The following ZNF486 variants were observed in gnomAD, a reference collection of about 807,000 sequenced individuals.
ZNF486 encodes the protein KRAB box only protein 2.
Under a neutral mutation model 12.8 loss-of-function variants are expected in ZNF486, and 12 were observed. The observed-to-expected ratio is 0.94, with a 90% CI of 0.60 to 1.52. ZNF486 has a LOEUF of 1.52. ZNF486 is among the 40% of genes most tolerant of loss of function. The probability of loss-of-function intolerance (pLI) is 0.00; values close to 1 mark genes in which losing one functional copy is unlikely to be tolerated. For synonymous variants in ZNF486, 231 were observed against 184.9 expected, an observed-to-expected ratio of 1.25 and a Z score of -2.02; for missense variants, 738 against 545.0, an observed-to-expected ratio of 1.35 and a Z score of -3.53.
chr19:20,171,899 T>C (rs1555713924), intron 1 of ZNF486, among the ~76,000 whole-genome samples: 1 of 152,104 alleles, frequency 6.6e-6, no homozygotes, highest in African/African-American at 2.4e-5. Context: ...GGCCTCAGTG[T>C]CTGTTGTTCT....
intron 1 of ZNF486, among the ~76,000 whole-genome samples, chr19:20,179,435 A>G (rs112549390): frequency 0.078 from 11,821 of 152,182 alleles, 707 homozygotes; most frequent in African/African-American, 0.17. Flanking sequence ...TATAACCCTT[A>G]AGCTTGACCC....
In ZNF486 at chr19:20,184,338, T is replaced by C. The variant is rs782099216; in HGVS notation, c.31-18T>C. ...AACGGCGACTTGGTGAAAATGTGTGTGTGTGTGTGTTTTTCAGGAATCATT... is the reference window on the plus strand; with the variant it reads ...AACGGCGACTTGGTGAAAATGTGTGCGTGTGTGTGTTTTTCAGGAATCATT... On this transcript the variant is annotated intron_variant, in intron 1 of 3. Coordinates refer to ENST00000335117, the MANE Select transcript of ZNF486 (RefSeq NM_052852.4). The C allele has an allele frequency of 6.2e-7, 1 of 1,611,410 alleles. No homozygotes were observed. The highest frequency in any genetic ancestry group is 8.5e-7 in the Non-Finnish European group (1 of 1,178,402).
chr19:20,183,799 G>A (rs2089812432), intron 1 of ZNF486, among the ~76,000 whole-genome samples: 1 of 151,812 alleles, frequency 6.6e-6, no homozygotes, highest in Admixed American at 6.6e-5. Context: ...TCTTATCTTT[G>A]TTTACAGGCT....
At chr19:20,181,321 T>G (rs782312915) in intron 1 of ZNF486, among the ~76,000 whole-genome samples, 1 of 152,060 alleles carries the variant, frequency 6.6e-6, no homozygotes, top group Non-Finnish European at 1.5e-5. Context: ...GGGCAGATCA[T>G]GAGGTCAGGA....
In ZNF486 at chr19:20,179,904, C is replaced by T. The variant is rs546928707; in HGVS notation, c.31-4452C>T. 5.9e-5 allele frequency among the ~76,000 whole-genome samples: 9 copies of T among 152,264 alleles called. No individual in the cohort carries two copies. The East Asian group carries it at 1.5e-3, about 26-fold the overall frequency. On this transcript the variant is annotated intron_variant, in intron 1 of 3. Coordinates refer to ENST00000335117, the MANE Select transcript of ZNF486 (RefSeq NM_052852.4). Reference sequence around the variant, plus strand: ...GCCACAAAGTATCCAGAGCCTTGATCACAACTATAATTACCTGTAAAATGT... The same window carrying T: ...GCCACAAAGTATCCAGAGCCTTGATTACAACTATAATTACCTGTAAAATGT...
chr19:20,198,326 C>G lies in ZNF486; in HGVS notation c.*224C>G. The G allele has an allele frequency of 2.1e-6, 1 of 482,920 alleles. No individual in the cohort carries two copies. Among genetic ancestry groups the G allele is most frequent in the Non-Finnish European group, 3.7e-6 (1 of 272,148 alleles). The allele number at this position is 482,920 out of a possible 1,614,324, so 29.9% of individuals were successfully genotyped here. The stretch of plus-strand genomic sequence containing the variant: ...CCATGTTGGTCAGGCTGGTCTCAAT[C>G]TCCTAACCTCAGGTGGTCTGCCTGC... On this transcript the variant is annotated 3_prime_UTR_variant, in exon 4 of 4. Coordinates refer to ENST00000335117, the MANE Select transcript of ZNF486 (RefSeq NM_052852.4).
In ZNF486 at chr19:20,197,581, G is replaced by C. The variant is rs371690793; in HGVS notation, c.871G>C (p.Glu291Gln). 3 of 1,613,566 alleles carry C rather than the reference G, an allele frequency of 1.9e-6. No homozygotes were observed. The highest frequency in any genetic ancestry group is 2.5e-6 in the Non-Finnish European group (3 of 1,179,810). The change falls in exon 4 of 4, where the codon GAG becomes CAG. Residue 291 changes from glutamate to glutamine, a missense_variant. By Grantham distance (29) the Glu-to-Gln change is conservative. Transcript: ENST00000335117. The stretch of plus-strand genomic sequence containing the variant: ...TACACATAAGATAATCCATACTGGA[G>C]AGCAACCCTACAAATGTAAAGAATG... ...LTTHKIIHTG[E>Q]QPYKCKECDK...
chr19:20,167,403 G>T (rs2089595964), intron 1 of ZNF486, 43 bp downstream of exon 1: 1 of 1,604,958 alleles, frequency 6.2e-7, no homozygotes, highest in Non-Finnish European at 8.5e-7. Flanking sequence ...GGAGGGACTG[G>T]TTGATGGGAA....
intron 1 of ZNF486, among the ~76,000 whole-genome samples, chr19:20,181,797 A>T (rs1555715628): frequency 6.6e-6 from 1 of 152,208 alleles, no homozygotes; most frequent in Admixed American, 6.5e-5. Flanking sequence ...AAAAAAATTC[A>T]TGACAGAGAA....
At position 20,197,835 on chromosome 19, in the gene ZNF486, G is replaced by T. The variant is rs189646827; in HGVS notation, c.1125G>T (p.Glu375Asp). 2.8e-3 allele frequency: 4,463 copies of T among 1,613,732 alleles called. 48 individuals carry two copies. The highest frequency in any genetic ancestry group is 0.022 in the Middle Eastern group (135 of 6,060). The change falls in exon 4 of 4, where the codon GAG becomes GAT. Residue 375 changes from glutamate to aspartate, a missense_variant. Physicochemically the swap from Glu to Asp is conservative, Grantham distance 45. Coordinates refer to ENST00000335117, the MANE Select transcript of ZNF486 (RefSeq NM_052852.4). ...LTMHKIIHTG[E>D]KPYKCEECGK... ...TGCATAAGATAATTCATACTGGAGAGAAACCATACAAATGTGAAGAATGTG... is the reference window on the plus strand; with the variant it reads ...TGCATAAGATAATTCATACTGGAGATAAACCATACAAATGTGAAGAATGTG...
At chr19:20,180,209 T>C (rs918680312) in intron 1 of ZNF486, among the ~76,000 whole-genome samples, 7 of 152,200 alleles carry the variant, frequency 4.6e-5, no homozygotes, top group African/African-American at 1.7e-4. Flanking sequence ...GTAAGAGAAA[T>C]GAGTCATCCT....
intron 2 of ZNF486, among the ~76,000 whole-genome samples, chr19:20,185,404 G>GTTTTTTTTT (rs782413355): frequency 3.2e-4 from 22 of 69,604 alleles, no homozygotes; most frequent in African/African-American, 5.1e-4. Flanking sequence ...TATTGTTTAT[G>GTTTTTTTTT]TTTTTTTTTT....
At chr19:20,176,609 G>A (rs1232982924) in intron 1 of ZNF486, 6 of 166,642 alleles carry the variant, frequency 3.6e-5, no homozygotes, top group South Asian at 2.4e-4. Context: ...GATCACTCGC[G>A]GTTAGGAGCT....
chr19:20,197,009 TAA>T lies in ZNF486; in HGVS notation c.302_303del (p.Lys101ArgfsTer12). 6.2e-7 allele frequency: 1 copy of T among 1,601,724 alleles called. No individual in the cohort carries two copies. Among genetic ancestry groups the T allele is most frequent in the East Asian group, 2.2e-5 (1 of 44,816 alleles). ...CAAGACCTTTGGCCAGAGCAGAGCA[TAA>T]AAGATTCTTACCAAAAAGTGATACT... On this transcript the variant is annotated frameshift_variant, in exon 4 of 4. Coordinates refer to ENST00000335117, the MANE Select transcript of ZNF486 (RefSeq NM_052852.4). LOFTEE classifies it low-confidence loss of function (END_TRUNC).
intron 3 of ZNF486, among the ~76,000 whole-genome samples, chr19:20,195,360 G>C (rs2089948327): frequency 6.6e-6 from 1 of 152,098 alleles, no homozygotes; most frequent in Admixed American, 6.6e-5. Flanking sequence ...GTAGATACAG[G>C]GTTTCACCAT....
At chr19:20,171,372 C>T (rs1555713859) in intron 1 of ZNF486, among the ~76,000 whole-genome samples, 2 of 152,226 alleles carry the variant, frequency 1.3e-5, no homozygotes, top group Non-Finnish European at 2.9e-5. Flanking sequence ...CACCCACTCA[C>T]AAACACACAC....
At chr19:20,175,381 G>C (rs983252027) in intron 1 of ZNF486, 1 of 139,580 alleles carries the variant, frequency 7.2e-6, no homozygotes, top group African/African-American at 2.7e-5. Flanking sequence ...TCTCGCAGAG[G>C]GGGATTTGGC....
At chr19:20,181,347 G>A (rs903177825) in intron 1 of ZNF486, among the ~76,000 whole-genome samples, 6 of 152,084 alleles carry the variant, frequency 3.9e-5, no homozygotes, top group Admixed American at 6.5e-5. Context: ...AGACCATCCT[G>A]GCTAACACGG....
At chr19:20,179,523 C>A (rs1156685317) in intron 1 of ZNF486, among the ~76,000 whole-genome samples, 1 of 152,026 alleles carries the variant, frequency 6.6e-6, no homozygotes, top group Non-Finnish European at 1.5e-5. Context: ...TGTGTTAGAG[C>A]AGCCTCTATG....
Sources: allele counts gnomAD v4.1 joint callset (sites outside exome capture counted in the v4.1 genomes callset), GRCh38; gene constraint gnomAD v4.1.1; transcripts MANE v1.5; gene names NCBI Gene and HGNC (gene_info 2026-07-23, HGNC 2026-07-21).